The following CACNA1E variants were observed in gnomAD, a reference collection of about 807,000 sequenced individuals.
CACNA1E encodes calcium voltage-gated channel subunit alpha1 E.
A neutral mutation model predicts 259.2 loss-of-function variants in CACNA1E; 40 were observed. The ratio of observed to expected loss-of-function variants is 0.15; its 90% CI spans 0.12 to 0.20. The LOEUF is 0.20. Ranked by LOEUF, CACNA1E falls within the 10% of genes least tolerant of loss-of-function variation. The pLI is 1.00. For synonymous variants in CACNA1E, 1,104 were observed against 1,138.5 expected, an observed-to-expected ratio of 0.97 and a Z score of 0.61; for missense variants, 1,874 against 3,040.1, an observed-to-expected ratio of 0.62 and a Z score of 9.02.
At chr1:181,759,395 C>CTGTGTG (rs10677275) in intron 32 of CACNA1E, among the ~76,000 whole-genome samples, 2,013 of 146,962 alleles carry the variant, frequency 0.014, 20 homozygotes, top group South Asian at 0.039. Flanking sequence ...AGGGGTGTGT[C>CTGTGTG]TGTGTGTGTG....
intron 1 of CACNA1E, among the ~76,000 whole-genome samples, chr1:181,357,461 T>C (rs1653537573): frequency 6.6e-6 from 1 of 152,196 alleles, no homozygotes; most frequent in Non-Finnish European, 1.5e-5. Context: ...CTGTCCCCTG[T>C]TCTGGGCTAC....
chr1:181,601,740 T>C (rs1241685845), intron 6 of CACNA1E, among the ~76,000 whole-genome samples: 1 of 152,126 alleles, frequency 6.6e-6, no homozygotes, highest in African/African-American at 2.4e-5. Flanking sequence ...CTTCAGAACA[T>C]CCTTATGATC....
Position 181,456,771 on chromosome 1 carries a change from CTGTCTT to C in CACNA1E, c.435-26970_435-26965del, listed in dbSNP as rs1348948203. On this transcript the variant is annotated intron_variant, in intron 2 of 11. Coordinates refer to the CACNA1E transcript ENST00000524607. The stretch of plus-strand genomic sequence containing the variant: ...TCTCTGTCTCCCTCTCTCTCTCACT[CTGTCTT>C]TGGTATTCTTCAGCTCCAATGGGAG... 3.9e-5 allele frequency among the ~76,000 whole-genome samples: 6 copies of C among 152,208 alleles called. No homozygotes were observed. The South Asian group carries it at 1.2e-3, about 32-fold the overall frequency.
At chr1:181,541,079 A>C (rs1280816472) in intron 3 of CACNA1E, among the ~76,000 whole-genome samples, 3 of 152,208 alleles carry the variant, frequency 2.0e-5, no homozygotes, top group Non-Finnish European at 4.4e-5. Flanking sequence ...TGGATAAAGG[A>C]TATTTAACCT....
chr1:181,403,513 T>A (rs532709536), intron 1 of CACNA1E, among the ~76,000 whole-genome samples: 2 of 152,116 alleles, frequency 1.3e-5, no homozygotes, highest in South Asian at 2.1e-4. Flanking sequence ...ATTCTGAGGA[T>A]TGTTAGAATA....
At chr1:181,422,269 C>T (rs1445426571) in intron 2 of CACNA1E, among the ~76,000 whole-genome samples, 1 of 152,248 alleles carries the variant, frequency 6.6e-6, no homozygotes, top group African/African-American at 2.4e-5. Flanking sequence ...CTGCCTCGTT[C>T]ACTCCATATC....
intron 1 of CACNA1E, among the ~76,000 whole-genome samples, chr1:181,368,179 G>A (rs771410782): frequency 6.6e-5 from 10 of 151,890 alleles, no homozygotes; most frequent in African/African-American, 1.2e-4. Context: ...GCGGTGAGCC[G>A]AGATCATGCC....
chr1:181,634,864 A>G (rs1011889718), intron 6 of CACNA1E, among the ~76,000 whole-genome samples: 1 of 151,980 alleles, frequency 6.6e-6, no homozygotes, highest in Admixed American at 6.6e-5. Context: ...TGCTCTCTGA[A>G]CCCCCACTTC....
rs557107477 is a variant in CACNA1E at position 181,751,533 on chromosome 1, G to T, written c.3732-610G>T. ...GCATGACATGCTTTCTCTGGAACAC[G>T]TGGCCCAGTGAGAGTGTCATGTCTG... On this transcript the variant is annotated intron_variant, in intron 26 of 47. Transcript: ENST00000367573. Among the ~76,000 whole-genome samples the T allele has an allele frequency of 6.0e-4, 92 of 152,184 alleles. 1 individual carries two copies. The highest frequency in any genetic ancestry group is 8.1e-4 in the Non-Finnish European group (55 of 68,034).
At chr1:181,355,001 T>C (rs945692324) in intron 1 of CACNA1E, among the ~76,000 whole-genome samples, 2 of 152,198 alleles carry the variant, frequency 1.3e-5, no homozygotes, top group African/African-American at 4.8e-5. Context: ...CAGAGCCTGC[T>C]GGTGCCTGCC....
rs113811571 is a variant in CACNA1E, at chr1:181,609,518, A to G, written c.951+28742A>G. Among the ~76,000 whole-genome samples the G allele has an allele frequency of 3.4e-3, 522 of 152,304 alleles. 1 individual carries two copies. Among genetic ancestry groups the G allele is most frequent in the African/African-American group, 0.012 (504 of 41,568 alleles). ...GGAATAATGGCCCTAAATGTGGCAG[A>G]GTAGAAAGAGAAGGAAAAGAACAGA... is the stretch of plus-strand genomic sequence containing the variant. On this transcript the variant is annotated intron_variant, in intron 6 of 47. Coordinates refer to ENST00000367573, the MANE Select transcript of CACNA1E (RefSeq NM_001205293.3).
rs147291294 is a variant in CACNA1E, at chr1:181,631,213, G to C, written c.952-20125G>C. On this transcript the variant is annotated intron_variant, in intron 6 of 47. Transcript: ENST00000367573. ...TTAGGTAACTATAGGTAGTCCTGCA[G>C]CCCAGGCTGTGTGCTGATTAGTCTG... 2.3e-3 allele frequency among the ~76,000 whole-genome samples: 353 copies of C among 152,296 alleles called. 3 individuals are homozygous for C. The highest frequency in any genetic ancestry group is 8.3e-3 in the African/African-American group (345 of 41,572).
chr1:181,640,106 G>T (rs1657614559), intron 6 of CACNA1E, among the ~76,000 whole-genome samples: 1 of 152,202 alleles, frequency 6.6e-6, no homozygotes, highest in African/African-American at 2.4e-5. Flanking sequence ...ACTACGGGAA[G>T]TGGATGAGGC....
intron 2 of CACNA1E, among the ~76,000 whole-genome samples, chr1:181,472,858 G>A (rs896787214): frequency 1.3e-5 from 2 of 152,210 alleles, no homozygotes; most frequent in African/African-American, 4.8e-5. Context: ...TGGCCTGAAA[G>A]TTTAAAAATA....
intron 1 of CACNA1E, among the ~76,000 whole-genome samples, chr1:181,402,010 A>T (rs1657137239): frequency 6.6e-6 from 1 of 152,204 alleles, no homozygotes; most frequent in Non-Finnish European, 1.5e-5. Flanking sequence ...TAGGATGGCC[A>T]CTTTGGAGCT....
chr1:181,347,076 T>A (rs1312943621), intron 1 of CACNA1E, among the ~76,000 whole-genome samples: 3 of 152,184 alleles, frequency 2.0e-5, no homozygotes, highest in Non-Finnish European at 2.9e-5. Flanking sequence ...ACTGCCTTCC[T>A]GTTAGCACCA....
At chr1:181,679,836 T>G (rs1201405948) in intron 7 of CACNA1E, among the ~76,000 whole-genome samples, 1 of 152,182 alleles carries the variant, frequency 6.6e-6, no homozygotes, top group Non-Finnish European at 1.5e-5. Flanking sequence ...CGGGTGAGGC[T>G]GATCTTCTAA....
At chr1:181,402,675 G>A (rs889664606) in intron 1 of CACNA1E, among the ~76,000 whole-genome samples, 1 of 152,156 alleles carries the variant, frequency 6.6e-6, no homozygotes, top group African/African-American at 2.4e-5. Flanking sequence ...GCCTGGGGGA[G>A]GGGTCAGGTG....
intron 1 of CACNA1E, among the ~76,000 whole-genome samples, chr1:181,340,455 A>T (rs1296689174): frequency 1.3e-5 from 2 of 152,124 alleles, no homozygotes; most frequent in Non-Finnish European, 2.9e-5. Context: ...TCTTTAAATT[A>T]AACTTACCTA....
Sources: allele counts gnomAD v4.1 joint callset (sites outside exome capture counted in the v4.1 genomes callset), GRCh38; gene constraint gnomAD v4.1.1; transcripts MANE v1.5; gene names NCBI Gene and HGNC (gene_info 2026-07-23, HGNC 2026-07-21).